Variants in DPH6 observed in about 807,000 individuals in gnomAD.
DPH6 encodes the protein diphthine--ammonia ligase.
DPH6 carries 33 observed loss-of-function variants against 38.2 expected under a neutral mutation model. The observed-to-expected ratio is 0.86, with a 90% CI of 0.65 to 1.15. The LOEUF is 1.15. Ranked by LOEUF, DPH6 falls within the 50% of genes most tolerant of loss-of-function variation. DPH6 has a pLI of 0.00. For missense variants in DPH6, 325 were observed against 320.0 expected, an observed-to-expected ratio of 1.02 and a Z score of -0.12; for synonymous variants, 108 against 103.0, an observed-to-expected ratio of 1.05 and a Z score of -0.30.
At chr15:35,326,951 C>T (rs1458166344), downstream of DPH6, among the ~76,000 whole-genome samples, 2 of 152,008 alleles carry the variant, frequency 1.3e-5, no homozygotes, top group Non-Finnish European at 2.9e-5. Context: ...ACATTTAAGG[C>T]AAGGAACCAG....
At chr15:35,319,280 A>G (rs538526959) in intron 3 of DPH6, among the ~76,000 whole-genome samples, 1 of 152,186 alleles carries the variant, frequency 6.6e-6, no homozygotes, top group African/African-American at 2.4e-5. Flanking sequence ...TCTTCCCTCA[A>G]ATCTTAAGAT....
At chr15:35,273,165 A>G (rs1275125741) in intron 3 of DPH6, among the ~76,000 whole-genome samples, 2 of 152,116 alleles carry the variant, frequency 1.3e-5, no homozygotes, top group African/African-American at 4.8e-5. Context: ...TTTAATTTCC[A>G]TAGGTTACTG....
At chr15:35,224,974 T>C (rs72707081) in intron 3 of DPH6, among the ~76,000 whole-genome samples, 36,224 of 152,134 alleles carry the variant, frequency 0.24, 4,463 homozygotes, top group South Asian at 0.31. Flanking sequence ...AAACTCCAGA[T>C]TTTATTCATA....
At chr15:35,224,991 T>C (rs1040173113) in intron 3 of DPH6, among the ~76,000 whole-genome samples, 2 of 152,228 alleles carry the variant, frequency 1.3e-5, no homozygotes, top group African/African-American at 2.4e-5. Context: ...CATATTTCAT[T>C]AGTATTTCTA....
At chr15:35,367,317 G>C (rs145653532), downstream of DPH6, among the ~76,000 whole-genome samples, 1,056 of 151,882 alleles carry the variant, frequency 7.0e-3, 15 homozygotes, top group African/African-American at 0.024. Context: ...CAATTGCTTT[G>C]CTAATAATTA....
At chr15:35,473,317 A>G (rs920089896) in intron 3 of DPH6, among the ~76,000 whole-genome samples, 3 of 152,152 alleles carry the variant, frequency 2.0e-5, no homozygotes, top group African/African-American at 7.2e-5. Context: ...ATTTGCATTC[A>G]TTTACCAAAT....
At chr15:35,471,760 GCTCT>G (rs1242578034) in intron 3 of DPH6, among the ~76,000 whole-genome samples, 2 of 152,172 alleles carry the variant, frequency 1.3e-5, no homozygotes, top group South Asian at 2.1e-4. Context: ...TCAGAAGTAA[GCTCT>G]CTCTCATTTA....
chr15:35,288,783 G>A (rs2051960481), intron 3 of DPH6, among the ~76,000 whole-genome samples: 1 of 152,108 alleles, frequency 6.6e-6, no homozygotes, highest in Non-Finnish European at 1.5e-5. Context: ...TTGTTCTGCT[G>A]AAGGGCATAC....
chr15:35,399,222 T>C (rs770231980), intron 6 of DPH6, among the ~76,000 whole-genome samples: 8 of 152,080 alleles, frequency 5.3e-5, no homozygotes, highest in Non-Finnish European at 1.0e-4. Flanking sequence ...TTAGAGAATA[T>C]ATTACATTAA....
At chr15:35,297,860 A>G (rs1014023819) in intron 3 of DPH6, among the ~76,000 whole-genome samples, 1 of 151,884 alleles carries the variant, frequency 6.6e-6, no homozygotes, top group African/African-American at 2.4e-5. Flanking sequence ...CTCCATCTCA[A>G]TTTATAAGAC....
At chr15:35,508,993 A>G (rs1377217166) in intron 3 of DPH6, among the ~76,000 whole-genome samples, 1 of 152,194 alleles carries the variant, frequency 6.6e-6, no homozygotes, top group African/African-American at 2.4e-5. Flanking sequence ...CTTTTAGGGA[A>G]GGCTTTGGCT....
At chr15:35,351,266 T>G (rs2052508026) in intron 3 of DPH6, among the ~76,000 whole-genome samples, 1 of 152,194 alleles carries the variant, frequency 6.6e-6, no homozygotes, top group Non-Finnish European at 1.5e-5. Context: ...TTCTCATCCT[T>G]TCACTTTCAG....
intron 5 of DPH6, among the ~76,000 whole-genome samples, chr15:35,420,628 G>A (rs1457337519): frequency 6.6e-6 from 1 of 152,104 alleles, no homozygotes. Context: ...GCATTCTCCT[G>A]CCTCAGCATC....
intron 5 of DPH6, among the ~76,000 whole-genome samples, chr15:35,411,178 A>G (rs894927424): frequency 2.0e-5 from 3 of 151,694 alleles, no homozygotes; most frequent in African/African-American, 7.2e-5. Context: ...GAGGAGCAGT[A>G]ATTAGATAGA....
the DPH6 span, among the ~76,000 whole-genome samples, chr15:35,172,735 C>T: frequency 6.6e-6 from 1 of 152,156 alleles, no homozygotes; most frequent in Admixed American, 6.5e-5. Flanking sequence ...GGCTGGAGCA[C>T]AGTGGCTATT....
chr15:35,364,490 A>C (rs946789911), intron 3 of DPH6, among the ~76,000 whole-genome samples: 9 of 152,072 alleles, frequency 5.9e-5, no homozygotes, highest in African/African-American at 2.2e-4. Flanking sequence ...TGAACTATTA[A>C]ATAAATTTTG....
chr15:35,266,511 C>T (rs2051784695), intron 3 of DPH6, among the ~76,000 whole-genome samples: 1 of 152,094 alleles, frequency 6.6e-6, no homozygotes, highest in East Asian at 1.9e-4. Flanking sequence ...TAGTTCTGAA[C>T]TAGTTAGAGT....
chr15:35,338,541 G>A (rs1341346054), intron 3 of DPH6, among the ~76,000 whole-genome samples: 2 of 152,252 alleles, frequency 1.3e-5, no homozygotes, highest in East Asian at 3.9e-4. Flanking sequence ...AACAGGTGCT[G>A]GAGAGGATGT....
chr15:35,408,167 T>G (rs2053319791), intron 6 of DPH6, among the ~76,000 whole-genome samples: 1 of 151,974 alleles, frequency 6.6e-6, no homozygotes, highest in Non-Finnish European at 1.5e-5. Context: ...ATGAGTTAGA[T>G]ATAGCAGGTG....
Sources: gnomAD v4.1 joint callset for allele counts (sites outside exome capture counted in the v4.1 genomes callset) on GRCh38, gnomAD v4.1.1 for gene constraint, MANE v1.5 for transcripts, NCBI Gene and HGNC (gene_info 2026-07-23, HGNC 2026-07-21) for gene names.